Variants in SH2D4A observed in about 807,000 individuals in gnomAD.
SH2D4A encodes SH2 domain containing 4A, also known as SH2 domain-containing protein 4A.
In SH2D4A, 70 loss-of-function variants were observed where a neutral mutation model predicts 64.7. The observed-to-expected ratio is 1.08, with a 90% CI of 0.89 to 1.32. The LOEUF is 1.32. SH2D4A is among the 40% of genes most tolerant of loss of function. The pLI is 0.00. For missense variants in SH2D4A, 706 were observed against 540.1 expected (o/e 1.31, Z -3.04); for synonymous variants, 268 against 200.7 (o/e 1.34, Z -2.83).
intron 8 of SH2D4A, among the ~76,000 whole-genome samples, chr8:19,389,117 G>A (rs1167869322): frequency 6.6e-6 from 1 of 152,330 alleles, no homozygotes; most frequent in African/African-American, 2.4e-5. Context: ...ATGTTCTGGA[G>A]TTGAATCTTG....
At chr8:19,357,457 G>T (rs57174023) in intron 5 of SH2D4A, among the ~76,000 whole-genome samples, 174 bp downstream of exon 5, 15,723 of 152,154 alleles carry the variant, frequency 0.1, 1,082 homozygotes, top group African/African-American at 0.19. Flanking sequence ...CTGGAGTTCG[G>T]GAAGTGTTGA....
intron 4 of SH2D4A, among the ~76,000 whole-genome samples, chr8:19,335,204 C>T (rs1286930950): frequency 2.6e-5 from 4 of 151,902 alleles, no homozygotes; most frequent in Non-Finnish European, 2.9e-5. Flanking sequence ...AGGAGAACGG[C>T]GTGAACCTGG....
At chr8:19,359,086 G>A (rs1024144792) in intron 5 of SH2D4A, among the ~76,000 whole-genome samples, 1 of 152,192 alleles carries the variant, frequency 6.6e-6, no homozygotes, top group Non-Finnish European at 1.5e-5. Flanking sequence ...AACCATTACA[G>A]ATTTTGATAA....
Position 19,313,781 on chromosome 8 carries a change from T to C in SH2D4A, c.-247T>C. The C allele has an allele frequency of 6.6e-7, 1 of 1,512,588 alleles. No individual in the cohort carries two copies. The highest frequency in any genetic ancestry group is 8.8e-7 in the Non-Finnish European group (1 of 1,135,900). 93.7% of individuals were successfully genotyped at this position (1,512,588 alleles called of 1,614,324 possible). The stretch of plus-strand genomic sequence containing the variant: ...ACGGCTTCTGGCGGCCAAGTGGATG[T>C]GGCGGGTGATCGAGCCACCCTGCCC... On this transcript the variant is annotated 5_prime_UTR_variant, in exon 1 of 10. Coordinates refer to ENST00000265807, the MANE Select transcript of SH2D4A (RefSeq NM_022071.4).
chr8:19,317,489 C>T (rs1209838970), intron 1 of SH2D4A, among the ~76,000 whole-genome samples: 9 of 101,288 alleles, frequency 8.9e-5, no homozygotes. Context: ...AGGTTGCAGT[C>T]AGTAGGGATA....
At chr8:19,335,404 C>T (rs1010126207) in intron 4 of SH2D4A, among the ~76,000 whole-genome samples, 3 of 152,186 alleles carry the variant, frequency 2.0e-5, no homozygotes, top group Non-Finnish European at 4.4e-5. Flanking sequence ...AACAAGAACG[C>T]TAGGAATGCA....
At chr8:19,374,965 GA>G (rs1015505573) in intron 8 of SH2D4A, among the ~76,000 whole-genome samples, 57 of 152,172 alleles carry the variant, frequency 3.7e-4, no homozygotes, top group African/African-American at 1.4e-3. Flanking sequence ...CTGATTATAA[GA>G]AGGGTAGTTT....
intron 8 of SH2D4A, among the ~76,000 whole-genome samples, chr8:19,388,532 C>A (rs1364434209): frequency 6.6e-6 from 1 of 152,138 alleles, no homozygotes; most frequent in African/African-American, 2.4e-5. Flanking sequence ...AGGATAATAA[C>A]AATATATCTA....
chr8:19,313,988 C>T (rs1025417743), intron 1 of SH2D4A, 165 bp downstream of exon 1: 5 of 1,247,346 alleles, frequency 4.0e-6, no homozygotes, highest in East Asian at 6.4e-5. Flanking sequence ...GCGCCCGGGG[C>T]GGGCTCAGGT....
rs747303607 is a variant in SH2D4A at position 19,394,519 on chromosome 8, A to G, written c.1273-31A>G. 8 of 1,521,430 alleles carry G rather than the reference A, an allele frequency of 5.3e-6. No homozygotes were observed. The South Asian group carries it at 9.5e-5, about 18-fold the overall frequency. 94.2% of individuals were successfully genotyped at this position (1,521,430 alleles called of 1,614,324 possible). ...GGAAGAGCATGTGGTCACTACTTAC[A>G]CTATCTGACCCCGTGCCTTCTGATT... is the stretch of plus-strand genomic sequence containing the variant. On this transcript the variant is annotated intron_variant, in intron 9 of 9. Transcript: ENST00000265807.
intron 4 of SH2D4A, among the ~76,000 whole-genome samples, chr8:19,344,238 CAA>C (rs1052037427): frequency 2.6e-5 from 4 of 152,148 alleles, no homozygotes; most frequent in African/African-American, 9.7e-5. Context: ...AGGCTGAAAT[CAA>C]GATGTCAGCC....
intron 8 of SH2D4A, among the ~76,000 whole-genome samples, chr8:19,392,663 T>C (rs549132882): frequency 6.6e-6 from 1 of 152,288 alleles, no homozygotes; most frequent in African/African-American, 2.4e-5. Flanking sequence ...CAAGGCGTTC[T>C]GTTAGACCCT....
chr8:19,368,620 C>CTTTTTTTTTTTTTTTTTTTTTT (rs34764005), intron 7 of SH2D4A, among the ~76,000 whole-genome samples: 3 of 136,324 alleles, frequency 2.2e-5, no homozygotes, highest in Admixed American at 7.4e-5. Flanking sequence ...AATAAAATTG[C>CTTTTTTTTTTTTTTTTTTTTTT]TTTTTTTTTT....
rs942462517 is a variant in SH2D4A, at chr8:19,377,146, C to G, written c.1048+3486C>G. On this transcript the variant is annotated intron_variant, in intron 8 of 9. Coordinates refer to ENST00000265807, the MANE Select transcript of SH2D4A (RefSeq NM_022071.4). ...CTGTAATCCCAGTGCTTTTGAGAGGCTAAGGCAGGTAGATCACTTGAGGTC... is the reference window on the plus strand; with the variant it reads ...CTGTAATCCCAGTGCTTTTGAGAGGGTAAGGCAGGTAGATCACTTGAGGTC... Among the ~76,000 whole-genome samples, 2 of 152,164 alleles carry G rather than the reference C, an allele frequency of 1.3e-5. 1 individual carries two copies. The highest frequency in any genetic ancestry group is 4.1e-4 in the South Asian group (2 of 4,830).
chr8:19,381,276 C>G (rs761300571), intron 8 of SH2D4A, among the ~76,000 whole-genome samples: 6 of 152,204 alleles, frequency 3.9e-5, no homozygotes, highest in Non-Finnish European at 7.3e-5. Context: ...TCTTGAACTC[C>G]TGACCTCAAG....
chr8:19,384,504 C>T (rs2053350646), intron 8 of SH2D4A, among the ~76,000 whole-genome samples: 1 of 152,144 alleles, frequency 6.6e-6, no homozygotes, highest in South Asian at 2.1e-4. Context: ...ACATGCAATC[C>T]TTGTTTTATT....
intron 2 of SH2D4A, among the ~76,000 whole-genome samples, chr8:19,331,562 A>G (rs17128197): frequency 0.011 from 1,723 of 152,326 alleles, 43 homozygotes; most frequent in African/African-American, 0.039. Flanking sequence ...CTGGAGGCCA[A>G]TTGTAAACAA....
At chr8:19,328,703 C>T (rs1041591346) in intron 2 of SH2D4A, among the ~76,000 whole-genome samples, 2 of 152,200 alleles carry the variant, frequency 1.3e-5, no homozygotes, top group South Asian at 4.1e-4. Flanking sequence ...AATCCTTGCA[C>T]CATCTGCTCA....
intron 6 of SH2D4A, 166 bp from the exon 7 acceptor site, chr8:19,363,906 G>C: frequency 1.5e-6 from 1 of 650,172 alleles, no homozygotes; most frequent in Non-Finnish European, 2.6e-6. Flanking sequence ...CGCTGGGCAA[G>C]CCCTAATGGC....
Sources: allele counts gnomAD v4.1 joint callset (sites outside exome capture counted in the v4.1 genomes callset), GRCh38; gene constraint gnomAD v4.1.1; transcripts MANE v1.5; gene names NCBI Gene and HGNC (gene_info 2026-07-23, HGNC 2026-07-21).